The following NAALADL2 variants were observed in gnomAD, a reference collection of about 807,000 sequenced individuals.
NAALADL2 encodes the protein N-acetylated alpha-linked acidic dipeptidase like 2.
Under a neutral mutation model 87.2 loss-of-function variants are expected in NAALADL2, and 76 were observed. The observed-to-expected ratio is 0.87, with a 90% CI of 0.72 to 1.05. NAALADL2 has a LOEUF of 1.05. Ranked by LOEUF, NAALADL2 falls within the 50% of genes least tolerant of loss-of-function variation. The probability of loss-of-function intolerance (pLI) is 0.00; values close to 1 mark genes in which losing one functional copy is unlikely to be tolerated. For synonymous variants in NAALADL2, 354 were observed against 331.0 expected (o/e 1.07, Z -0.75); for missense variants, 1,089 against 945.8 (o/e 1.15, Z -1.99).
intron 11 of NAALADL2, among the ~76,000 whole-genome samples, chr3:175,698,962 G>A (rs369939801): frequency 1.2e-4 from 18 of 151,926 alleles, no homozygotes; most frequent in Admixed American, 9.2e-4. Flanking sequence ...CAACAACACA[G>A]TAAGCTCAAA....
chr3:174,605,229 G>A (rs984034424), intron 2 of NAALADL2, among the ~76,000 whole-genome samples: 19 of 152,308 alleles, frequency 1.2e-4, no homozygotes, highest in African/African-American at 3.6e-4. Flanking sequence ...AGCTCCCAGC[G>A]TGAGCAACGC....
At chr3:175,136,171 A>G (rs1729081739) in intron 2 of NAALADL2, among the ~76,000 whole-genome samples, 1 of 152,274 alleles carries the variant, frequency 6.6e-6, no homozygotes, top group East Asian at 1.9e-4. Flanking sequence ...GGAGCCAATG[A>G]TGAAGGAGAC....
intron 2 of NAALADL2, among the ~76,000 whole-genome samples, chr3:175,216,771 C>T (rs1029841962): frequency 7.0e-6 from 1 of 143,578 alleles, no homozygotes; most frequent in African/African-American, 2.6e-5. Context: ...CAGGTTCAAA[C>T]AATTCTCCTG....
At chr3:174,835,624 G>C (rs552865973) in intron 3 of NAALADL2, among the ~76,000 whole-genome samples, 1 of 152,210 alleles carries the variant, frequency 6.6e-6, no homozygotes, top group East Asian at 1.9e-4. Flanking sequence ...TTAATATCTA[G>C]AATATATAAA....
chr3:174,787,602 T>TATATATACATATATATATATATACACAC (rs1553855433), intron 3 of NAALADL2, among the ~76,000 whole-genome samples: 2 of 73,370 alleles, frequency 2.7e-5, no homozygotes, highest in African/African-American at 8.6e-5. Flanking sequence ...TATATATATA[T>TATATATACATATATATATATATACACAC]ATATATATAT....
intron 2 of NAALADL2, among the ~76,000 whole-genome samples, chr3:175,147,778 A>G (rs1488944904): frequency 1.3e-5 from 2 of 151,842 alleles, no homozygotes; most frequent in African/African-American, 2.4e-5. Flanking sequence ...TTTTAATAAT[A>G]CCCATTTTCG....
intron 2 of NAALADL2, among the ~76,000 whole-genome samples, chr3:175,100,568 T>G (rs566518476): frequency 6.6e-6 from 1 of 152,034 alleles, no homozygotes; most frequent in Non-Finnish European, 1.5e-5. Flanking sequence ...CCAGGGGCAG[T>G]GGGTAATGCC....
At position 175,447,413 on chromosome 3, in the gene NAALADL2, T is replaced by C. The variant is rs2161041; in HGVS notation, c.1234+41T>C. The C allele has an allele frequency of 3.5e-6, 5 of 1,412,444 alleles. No homozygotes were observed. The Admixed American group carries it at 1.1e-4, about 31-fold the overall frequency. The allele number at this position is 1,412,444 out of a possible 1,614,324, so 87.5% of individuals were successfully genotyped here. On this transcript the variant is annotated intron_variant, in intron 6 of 13. Coordinates refer to ENST00000454872, the MANE Select transcript of NAALADL2 (RefSeq NM_207015.3). ...TCGTTCTCTGTATTTTACAGTTTTT[T>C]TAAAGACCATGATCATTTTTAATCT...
intron 1 of NAALADL2, among the ~76,000 whole-genome samples, chr3:174,953,648 A>G (rs749462390): frequency 6.6e-6 from 1 of 151,840 alleles, no homozygotes; most frequent in Non-Finnish European, 1.5e-5. Flanking sequence ...CACGGTGTCT[A>G]TTCCCTTGGG....
At chr3:174,598,360 A>T (rs1185776547) in intron 2 of NAALADL2, among the ~76,000 whole-genome samples, 1 of 152,102 alleles carries the variant, frequency 6.6e-6, no homozygotes, top group Non-Finnish European at 1.5e-5. Flanking sequence ...AGAGCCTTTT[A>T]TATTCATTTT....
intron 1 of NAALADL2, among the ~76,000 whole-genome samples, chr3:174,938,046 G>C (rs1579622548): frequency 6.6e-6 from 1 of 151,950 alleles, no homozygotes; most frequent in South Asian, 2.1e-4. Context: ...ATTCTAGGTT[G>C]GGGGGTACAT....
chr3:174,582,906 C>G (rs1158506143), intron 2 of NAALADL2, among the ~76,000 whole-genome samples: 1 of 151,992 alleles, frequency 6.6e-6, no homozygotes, highest in East Asian at 1.9e-4. Flanking sequence ...TTTTTTGATA[C>G]TTTTCAGAAC....
At chr3:174,827,596 T>A (rs550084716) in intron 3 of NAALADL2, among the ~76,000 whole-genome samples, 24 of 152,366 alleles carry the variant, frequency 1.6e-4, no homozygotes, top group African/African-American at 5.1e-4. Context: ...CAGTGTCACC[T>A]GATTAATAAC....
intron 1 of NAALADL2, among the ~76,000 whole-genome samples, chr3:174,882,522 T>C (rs774849911): frequency 5.3e-5 from 8 of 150,966 alleles, no homozygotes; most frequent in Non-Finnish European, 8.9e-5. Flanking sequence ...CATATGTGCA[T>C]ATACACATAT....
At chr3:175,773,766 G>T (rs868361879) in intron 13 of NAALADL2, 1 of 152,070 alleles carries the variant, frequency 6.6e-6, no homozygotes, top group South Asian at 2.1e-4. Context: ...ATGAACACTT[G>T]TTATAAGATC....
At chr3:174,518,272 C>G (rs1720053937) in intron 1 of NAALADL2, among the ~76,000 whole-genome samples, 1 of 152,134 alleles carries the variant, frequency 6.6e-6, no homozygotes, top group Non-Finnish European at 1.5e-5. Flanking sequence ...TGGCCATCAG[C>G]TACATACAAG....
At chr3:174,800,178 A>G (rs553122494) in intron 3 of NAALADL2, among the ~76,000 whole-genome samples, 3 of 152,326 alleles carry the variant, frequency 2.0e-5, no homozygotes, top group Non-Finnish European at 2.9e-5. Flanking sequence ...AGAAATTTGC[A>G]TAAGTAACGA....
chr3:174,570,605 G>T (rs1314238492), intron 2 of NAALADL2, among the ~76,000 whole-genome samples: 1 of 152,040 alleles, frequency 6.6e-6, no homozygotes. Flanking sequence ...ATGTACACAG[G>T]GTTCTTTCAG....
intron 2 of NAALADL2, among the ~76,000 whole-genome samples, chr3:175,197,018 G>T (rs1739117481): frequency 6.6e-6 from 1 of 151,802 alleles, no homozygotes; most frequent in South Asian, 2.1e-4. Context: ...AAACATAAGG[G>T]GTCATTTTTT....
Sources: gnomAD v4.1 joint callset for allele counts (sites outside exome capture counted in the v4.1 genomes callset) on GRCh38, gnomAD v4.1.1 for gene constraint, MANE v1.5 for transcripts, NCBI Gene and HGNC (gene_info 2026-07-23, HGNC 2026-07-21) for gene names.